Variants in ATP12A observed in about 807,000 individuals in gnomAD.
ATP12A encodes the protein ATPase H+/K+ transporting non-gastric alpha2 subunit.
In ATP12A, 81 loss-of-function variants were observed where a neutral mutation model predicts 111.2. The ratio of observed to expected loss-of-function variants is 0.73; its 90% confidence interval spans 0.61 to 0.88. The LOEUF is 0.88. ATP12A is among the 40% of genes least tolerant of loss of function. The pLI, the probability that ATP12A is intolerant of heterozygous loss-of-function variation, is 0.00. For synonymous variants in ATP12A, 498 were observed against 499.8 expected (o/e 1.00, Z 0.05); for missense variants, 1,196 against 1,313.1 (o/e 0.91, Z 1.38).
rs1875863827 is a variant in ATP12A, at chr13:24,709,474, A to G, written c.2604A>G (p.Ser868=). Residue 868 remains serine, a synonymous_variant, in exon 18 of 23, where the codon TCA becomes TCG. Coordinates refer to ENST00000381946, the MANE Select transcript of ATP12A (RefSeq NM_001676.7). The stretch of plus-strand genomic sequence containing the variant: ...TGAACCAGCCGCTCGCTGTGTACTC[A>G]TACCTGCACATTGGTACGATGAGGG... ...RLVNQPLAVY[S]YLHIGLMQAL... 1.9e-6 allele frequency: 3 copies of G among 1,613,942 alleles called. No individual in the cohort carries two copies. The highest frequency in any genetic ancestry group is 2.5e-6 in the Non-Finnish European group (3 of 1,179,936).
rs764396366 is a variant in ATP12A at position 24,680,510 on chromosome 13, C to A, written c.-234C>A. On this transcript the variant is annotated 5_prime_UTR_variant, in exon 1 of 23. Coordinates refer to ENST00000381946, the MANE Select transcript of ATP12A (RefSeq NM_001676.7). ...AGGCGTCCGCTGGCCTGCGCCCTGGCGGGGACGTGGGCGGGGCGGGCGGCA... is the reference window on the plus strand; with the variant it reads ...AGGCGTCCGCTGGCCTGCGCCCTGGAGGGGACGTGGGCGGGGCGGGCGGCA... 30 of 477,836 alleles carry A rather than the reference C, an allele frequency of 6.3e-5. No homozygotes were observed. The highest frequency in any genetic ancestry group is 9.7e-5 in the Non-Finnish European group (27 of 277,794). 29.6% of individuals were successfully genotyped at this position (477,836 alleles called of 1,614,324 possible).
At chr13:24,692,711 C>T in intron 9 of ATP12A, 76 bp from the exon 10 acceptor site, 1 of 1,597,788 alleles carries the variant, frequency 6.3e-7, no homozygotes, top group Non-Finnish European at 8.6e-7. Flanking sequence ...GGTCTGCAGC[C>T]AGAGGATTGC....
rs1566078416 is a variant in ATP12A at position 24,708,964 on chromosome 13, G to GAAAGAAAGAAAGAAAGAAA, written c.2494-400_2494-399insAAAGAAAGAAAGAAAGAAA. Among the ~76,000 whole-genome samples the GAAAGAAAGAAAGAAAGAAA allele has an allele frequency of 3.0e-3, 342 of 114,806 alleles. 9 individuals carry two copies. The highest frequency in any genetic ancestry group is 2.7e-3 in the Non-Finnish European group (144 of 54,008). The allele number at this position is 114,806 out of a possible 152,430, so 75.3% of individuals were successfully genotyped here. On this transcript the variant is annotated intron_variant, in intron 17 of 22. Coordinates refer to ENST00000381946, the MANE Select transcript of ATP12A (RefSeq NM_001676.7). Reference sequence around the variant, plus strand: ...AAGAAAGAAAGAAAGAAAGAAAGAAGGAAAGAGAAAGAGAAATGAATGCAA... The same window carrying GAAAGAAAGAAAGAAAGAAA: ...AAGAAAGAAAGAAAGAAAGAAAGAAGAAAGAAAGAAAGAAAGAAAGAAAGAGAAAGAGAAATGAATGCAA...
Position 24,690,710 on chromosome 13 carries a change from C to CGT in ATP12A, c.791_792dup (p.Leu265ValfsTer65). On this transcript the variant is annotated frameshift_variant, in exon 7 of 23. Coordinates refer to ENST00000381946, the MANE Select transcript of ATP12A (RefSeq NM_001676.7). LOFTEE classifies it high-confidence loss of function. ...AAGAACATCTGCTTCTATTCCACAA[C>CGT]GTGTCTGGAAGGTAAAAGGCCTCTG... 2 of 1,613,372 alleles carry CGT rather than the reference C, an allele frequency of 1.2e-6. No homozygotes were observed. Among genetic ancestry groups the CGT allele is most frequent in the Non-Finnish European group, 1.7e-6 (2 of 1,179,596 alleles).
chr13:24,694,324 T>G, intron 10 of ATP12A, 120 bp from the exon 11 acceptor site: 1 of 1,305,164 alleles, frequency 7.7e-7, no homozygotes, highest in Non-Finnish European at 1.1e-6. Flanking sequence ...CCTGATCACG[T>G]GATAATGTCT....
Position 24,709,731 on chromosome 13 carries a change from C to T in ATP12A, c.2666C>T (p.Ala889Val). ...GAFLVYFTVYAQEGFLPRTLI... is the reference protein window; with the variant it reads ...GAFLVYFTVYVQEGFLPRTLI... ...TTCCTTGTGTATTTCACCGTCTATG[C>T]ACAAGAGGGCTTTCTGCCCCGCACT... The change falls in exon 19 of 23, where the codon GCA (alanine) becomes GTA (valine). Residue 889 changes from alanine (A) to valine (V), a missense_variant. Physicochemically the swap from Ala to Val is moderately conservative, Grantham distance 64 (BLOSUM62 0). Transcript: ENST00000381946. 6.2e-7 allele frequency: 1 copy of T among 1,614,216 alleles called. No individual in the cohort carries two copies. The highest frequency in any genetic ancestry group is 8.5e-7 in the Non-Finnish European group (1 of 1,180,030).
chr13:24,706,974 C>T (rs745424036), intron 15 of ATP12A, 49 bp from the exon 16 acceptor site: 3 of 1,526,736 alleles, frequency 2.0e-6, no homozygotes, highest in South Asian at 1.3e-5. Context: ...AGGCCTGCAA[C>T]CCACTGGGCC....
Position 24,688,463 on chromosome 13 carries a change from C to T in ATP12A, c.373C>T (p.Leu125Phe), listed in dbSNP as rs769691473. The T allele has an allele frequency of 6.2e-7, 1 of 1,613,794 alleles. No homozygotes were observed. The highest frequency in any genetic ancestry group is 8.5e-7 in the Non-Finnish European group (1 of 1,179,882). Residue 125 changes from leucine (L) to phenylalanine (F), a missense_variant, in exon 4 of 23, where the codon CTC becomes TTC. Coordinates refer to ENST00000381946, the MANE Select transcript of ATP12A (RefSeq NM_001676.7). ...TATCCTCCTGTGGGTGGGCGCCTTT[C>T]TCTGTTGGATTGCATATGGGATTCA... ...FSILLWVGAF[L>F]CWIAYGIQYS... is the part of the protein sequence containing the mutation.
At position 24,710,554 on chromosome 13, in the gene ATP12A, A is replaced by G; in HGVS notation, c.2858A>G (p.Lys953Arg). The part of the protein sequence containing the change: ...VQQIADLIIR[K>R]TRRNSIFQQG... ...CAAATAGCAGATCTGATCATCAGGA[A>G]AACCCGGAGGAATTCCATCTTCCAG... is the stretch of plus-strand genomic sequence containing the variant. The change falls in exon 20 of 23, where the codon AAA becomes AGA. Residue 953 changes from lysine to arginine, a missense_variant. This residue lies in a region of ATP12A where 1,126 missense variants were observed against 1,228.5 expected (regional missense o/e 0.92). Transcript: ENST00000381946. 7 of 1,614,220 alleles carry G rather than the reference A, an allele frequency of 4.3e-6. No individual in the cohort carries two copies. Among genetic ancestry groups the G allele is most frequent in the Non-Finnish European group, 5.9e-6 (7 of 1,180,044 alleles).
chr13:24,681,504 C>G, intron 1 of ATP12A, 58 bp from the exon 2 acceptor site: 2 of 1,580,024 alleles, frequency 1.3e-6, no homozygotes, highest in Non-Finnish European at 1.7e-6. Context: ...GAGGGGCGCT[C>G]AGCACCTCTT....
rs777755595 is a variant in ATP12A at position 24,681,547 on chromosome 13, G to T, written c.10-15G>T. 6.2e-7 allele frequency: 1 copy of T among 1,608,522 alleles called. No individual in the cohort carries two copies. Among genetic ancestry groups the T allele is most frequent in the East Asian group, 2.2e-5 (1 of 44,882 alleles). ...CCCATTTGGGGCCAATATTGCACCTGGGCTTCTCTTTCAGAAAACCCCAGA... is the reference window on the plus strand; with the variant it reads ...CCCATTTGGGGCCAATATTGCACCTTGGCTTCTCTTTCAGAAAACCCCAGA... On this transcript the variant is annotated splice_polypyrimidine_tract_variant and intron_variant, in intron 1 of 22. Transcript: ENST00000381946.
chr13:24,694,382 T>G, intron 10 of ATP12A, 62 bp from the exon 11 acceptor site: 1 of 1,601,282 alleles, frequency 6.2e-7, no homozygotes, highest in Non-Finnish European at 8.5e-7. Flanking sequence ...TTGGGTCCTA[T>G]GCTGAGGGCA....
intron 10 of ATP12A, 80 bp from the exon 11 acceptor site, chr13:24,694,364 G>A (rs1185388493): frequency 6.5e-7 from 1 of 1,546,566 alleles, no homozygotes; most frequent in African/African-American, 1.4e-5. Flanking sequence ...GGATCAGGAG[G>A]GTGTGTTTTG....
chr13:24,703,205 C>CT (rs1402861365), intron 14 of ATP12A, among the ~76,000 whole-genome samples: 1 of 152,120 alleles, frequency 6.6e-6, no homozygotes, highest in Non-Finnish European at 1.5e-5. Flanking sequence ...TCGGATTATA[C>CT]TTTTTTTCAC....
chr13:24,707,274 C>T lies in ATP12A; in HGVS notation c.2339-5C>T, dbSNP rs547732233. On this transcript the variant is annotated splice_polypyrimidine_tract_variant and splice_region_variant and intron_variant, in intron 16 of 22. Coordinates refer to ENST00000381946, the MANE Select transcript of ATP12A (RefSeq NM_001676.7). ...AAGTTCTGAAGGAGAAACCTCTCTGCCTAGGTCGCCTGATCTTTGACAACC... is the reference window on the plus strand; with the variant it reads ...AAGTTCTGAAGGAGAAACCTCTCTGTCTAGGTCGCCTGATCTTTGACAACC... The T allele has an allele frequency of 3.1e-6, 5 of 1,614,164 alleles. No homozygotes were observed. Among genetic ancestry groups the T allele is most frequent in the Admixed American group, 1.7e-5 (1 of 60,028 alleles).
chr13:24,686,839 GC>G (rs1874691954), intron 3 of ATP12A, among the ~76,000 whole-genome samples: 1 of 152,116 alleles, frequency 6.6e-6, no homozygotes, highest in South Asian at 2.1e-4. Flanking sequence ...TTTTTATTGA[GC>G]CCCTCATCTC....
rs1265701902 is a variant in ATP12A, at chr13:24,698,867, G to T, written c.1705+17G>T. On this transcript the variant is annotated intron_variant, in intron 12 of 22. Coordinates refer to ENST00000381946, the MANE Select transcript of ATP12A (RefSeq NM_001676.7). ...GTGTGCTGGGTGAGTGCGGCGGCAG[G>T]GCCCTGCCCATCACCTGGTGGGCAC... 1 of 1,611,452 alleles carries T rather than the reference G, an allele frequency of 6.2e-7. No individual in the cohort carries two copies. The highest frequency in any genetic ancestry group is 8.5e-7 in the Non-Finnish European group (1 of 1,178,830).
intron 3 of ATP12A, among the ~76,000 whole-genome samples, chr13:24,687,143 T>C (rs1386511725): frequency 6.6e-6 from 1 of 151,974 alleles, no homozygotes; most frequent in Non-Finnish European, 1.5e-5. Flanking sequence ...AGAAAAAGCA[T>C]GAGACCCGGG....
rs777410937 is a variant in ATP12A, at chr13:24,709,778, T to A, written c.2713T>A (p.Trp905Arg). 6.2e-6 allele frequency: 10 copies of A among 1,614,052 alleles called. No individual in the cohort carries two copies. The highest frequency in any genetic ancestry group is 3.3e-5 in the South Asian group (3 of 91,084). The change falls in exon 19 of 23, where the codon TGG becomes AGG. Residue 905 changes from tryptophan to arginine, a missense_variant. Trp to Arg is a moderately radical substitution (Grantham distance 101, BLOSUM62 -3). Transcript: ENST00000381946. ...CACTCTCATTAACCTGCGGGTAGAA[T>A]GGGAGAAGGACTACGTGAATGACTT... The part of the protein sequence containing the change: ...PRTLINLRVE[W>R]EKDYVNDLKD...
Sources: allele counts gnomAD v4.1 joint callset (sites outside exome capture counted in the v4.1 genomes callset), GRCh38; gene constraint gnomAD v4.1.1; regional missense constraint gnomAD v4.1.1; transcripts MANE v1.5; gene names NCBI Gene and HGNC (gene_info 2026-07-23, HGNC 2026-07-21).